The following PEAK1 variants were observed in gnomAD, a reference collection of about 807,000 sequenced individuals.
The protein encoded by PEAK1 is pseudopodium enriched atypical kinase 1.
Under a neutral mutation model 124.7 loss-of-function variants are expected in PEAK1, and 54 were observed. That is an observed-to-expected ratio of 0.43 (90% CI 0.35 to 0.54). The LOEUF is 0.54. Among genes scored for constraint, PEAK1 ranks in the 20% least tolerant of loss-of-function variants. The pLI is 0.01. For missense variants in PEAK1, 2,046 were observed against 2,134.5 expected, an observed-to-expected ratio of 0.96 and a Z score of 0.82; for synonymous variants, 719 against 760.0, an observed-to-expected ratio of 0.95 and a Z score of 0.89.
At chr15:77,209,085 A>G (rs2058790548) in intron 6 of PEAK1, among the ~76,000 whole-genome samples, 1 of 152,228 alleles carries the variant, frequency 6.6e-6, no homozygotes, top group Non-Finnish European at 1.5e-5. Context: ...GCATAATGGA[A>G]AGCCAGGAAA....
At chr15:77,332,441 T>C (rs1339357787) in intron 2 of PEAK1, 2 of 205,788 alleles carry the variant, frequency 9.7e-6, no homozygotes, top group African/African-American at 4.7e-5. Context: ...GTACTAAAAA[T>C]ACAAAAAAAT....
Position 77,388,365 on chromosome 15 carries a change from A to C in PEAK1, c.-665-23140T>G, listed in dbSNP as rs528951051. ...TGATAGATATGACATGCTAACGTGC[A>C]GCTAATGAAATCTGTATCAGAACTT... On this transcript the variant is annotated intron_variant, in intron 1 of 9. Coordinates refer to ENST00000682557, the MANE Select transcript of PEAK1 (RefSeq NM_001385026.1). 5.9e-5 allele frequency among the ~76,000 whole-genome samples: 9 copies of C among 152,360 alleles called. No individual in the cohort carries two copies. The East Asian group carries it at 1.5e-3, about 26-fold the overall frequency.
At chr15:77,361,769 G>A (rs1460725157) in intron 2 of PEAK1, among the ~76,000 whole-genome samples, 1 of 152,048 alleles carries the variant, frequency 6.6e-6, no homozygotes, top group Non-Finnish European at 1.5e-5. Context: ...AGAGACATTT[G>A]CACCTCCGTG....
intron 6 of PEAK1, among the ~76,000 whole-genome samples, chr15:77,197,893 T>C (rs539139752): frequency 6.2e-4 from 95 of 152,174 alleles, no homozygotes; most frequent in Admixed American, 1.6e-3. Flanking sequence ...TTGTGACAAT[T>C]TGATAAAACT....
intron 1 of PEAK1, among the ~76,000 whole-genome samples, chr15:77,373,448 C>T (rs1168723744): frequency 6.6e-6 from 1 of 152,106 alleles, no homozygotes; most frequent in Admixed American, 6.6e-5. Flanking sequence ...CACCTCTTGG[C>T]AGAACTAATA....
chr15:77,253,176 T>C (rs1278240507), intron 5 of PEAK1, among the ~76,000 whole-genome samples: 3 of 148,172 alleles, frequency 2.0e-5, no homozygotes. Flanking sequence ...CAAGAGGATG[T>C]ATATAGATTA....
In PEAK1 at chr15:77,403,354, T is replaced by C; in HGVS notation, c.-666+16652A>G. On this transcript the variant is annotated intron_variant, in intron 1 of 9. Coordinates refer to ENST00000682557, the MANE Select transcript of PEAK1 (RefSeq NM_001385026.1). ...AGATAGTAACATATTTTTAGAAATA[T>C]ATTTATTTACAGCCAAGATATAATG... The C allele has an allele frequency of 4.3e-6, 4 of 933,250 alleles. No homozygotes were observed. In the African/African-American group the frequency reaches 7.1e-5, roughly 17 times the overall value. 57.8% of individuals were successfully genotyped at this position (933,250 alleles called of 1,614,324 possible). A position where few individuals can be genotyped will look rare whatever the true frequency, so the allele number is the denominator to read the frequency against.
At chr15:77,309,647 C>T (rs1276837497) in intron 2 of PEAK1, among the ~76,000 whole-genome samples, 1 of 151,970 alleles carries the variant, frequency 6.6e-6, no homozygotes. Context: ...ATCCTCTGTC[C>T]CCACCCTTTA....
intron 2 of PEAK1, among the ~76,000 whole-genome samples, chr15:77,318,406 A>G (rs923035206): frequency 1.3e-5 from 2 of 152,192 alleles, no homozygotes; most frequent in East Asian, 1.9e-4. Flanking sequence ...CAAAAACCTC[A>G]TAATTAACCC....
intron 2 of PEAK1, chr15:77,337,220 A>C (rs763623423): frequency 5.1e-6 from 5 of 985,104 alleles, no homozygotes; most frequent in Non-Finnish European, 6.0e-6. Context: ...AACTCAGCCA[A>C]GACAAGATAA....
intron 6 of PEAK1, among the ~76,000 whole-genome samples, chr15:77,251,597 A>C (rs957717247): frequency 6.6e-6 from 1 of 152,174 alleles, no homozygotes. Context: ...ATGTTGCTTG[A>C]TTATTTCTAT....
At chr15:77,140,817 C>G (rs982021438) in intron 8 of PEAK1, among the ~76,000 whole-genome samples, 2 of 151,834 alleles carry the variant, frequency 1.3e-5, no homozygotes, top group Non-Finnish European at 2.9e-5. Context: ...TCACTGCAGC[C>G]TTGACCTCCC....
chr15:77,312,673 G>A (rs1230540307), intron 2 of PEAK1, among the ~76,000 whole-genome samples: 4 of 152,290 alleles, frequency 2.6e-5, no homozygotes, highest in South Asian at 4.1e-4. Context: ...GCATTCCCTC[G>A]AATTTGTTTT....
At position 77,112,746 on chromosome 15, in the gene PEAK1, T is replaced by C. The variant is rs2051060578; in HGVS notation, c.*1410A>G. 6.6e-6 allele frequency: 1 copy of C among 151,900 alleles called. No homozygotes were observed. The highest frequency in any genetic ancestry group is 2.1e-4 in the South Asian group (1 of 4,824). The allele number at this position is 151,900 out of a possible 1,614,324, so 9.4% of individuals were successfully genotyped here. On this transcript the variant is annotated 3_prime_UTR_variant, in exon 10 of 10. Coordinates refer to ENST00000682557, the MANE Select transcript of PEAK1 (RefSeq NM_001385026.1). Reference sequence around the variant, plus strand: ...ACGCTCATCTCTTAGCGCAAATATGTGCCAAGGGAAGAAGGGGGAGGGTTT... The same window carrying C: ...ACGCTCATCTCTTAGCGCAAATATGCGCCAAGGGAAGAAGGGGGAGGGTTT...
chr15:77,278,055 T>C (rs1472333182), intron 5 of PEAK1, among the ~76,000 whole-genome samples: 1 of 152,156 alleles, frequency 6.6e-6, no homozygotes, highest in Admixed American at 6.5e-5. Flanking sequence ...GTAGCAAATG[T>C]ACCATTCTGG....
intron 6 of PEAK1, among the ~76,000 whole-genome samples, chr15:77,236,604 A>C (rs1297063211): frequency 6.6e-6 from 1 of 152,070 alleles, no homozygotes; most frequent in Non-Finnish European, 1.5e-5. Context: ...CTTTTGAGTT[A>C]ATGCTGGAAT....
chr15:77,390,331 A>G (rs746285600), intron 1 of PEAK1, among the ~76,000 whole-genome samples: 1 of 152,254 alleles, frequency 6.6e-6, no homozygotes, highest in Non-Finnish European at 1.5e-5. Flanking sequence ...GGAATTTTCA[A>G]ATATTAAAAA....
chr15:77,193,442 T>C (rs2057942872), intron 6 of PEAK1, among the ~76,000 whole-genome samples: 1 of 152,228 alleles, frequency 6.6e-6, no homozygotes, highest in Non-Finnish European at 1.5e-5. Flanking sequence ...GTATATCCCC[T>C]ATCCACTTTA....
At chr15:77,406,338 C>T (rs2071817772) in intron 1 of PEAK1, among the ~76,000 whole-genome samples, 1 of 152,164 alleles carries the variant, frequency 6.6e-6, no homozygotes, top group Admixed American at 6.5e-5. Context: ...GGAAGTGAAA[C>T]TGTCACTGCT....
Sources: allele counts gnomAD v4.1 joint callset (sites outside exome capture counted in the v4.1 genomes callset), GRCh38; gene constraint gnomAD v4.1.1; transcripts MANE v1.5; gene names NCBI Gene and HGNC (gene_info 2026-07-23, HGNC 2026-07-21).